The following XPO5 variants were observed in gnomAD, a reference collection of about 807,000 sequenced individuals.
XPO5 encodes the protein exportin-5.
In XPO5, 46 loss-of-function variants were observed where a neutral mutation model predicts 160.6. The ratio of observed to expected loss-of-function variants is 0.29; its 90% confidence interval spans 0.23 to 0.37. The LOEUF is 0.37. Ranked by LOEUF, XPO5 falls within the 10% of genes least tolerant of loss-of-function variation. The probability of loss-of-function intolerance (pLI) is 1.00; values close to 1 mark genes in which losing one functional copy is unlikely to be tolerated. For synonymous variants in XPO5, 537 were observed against 519.3 expected (o/e 1.03, Z -0.46); for missense variants, 1,090 against 1,463.9 (o/e 0.74, Z 4.17).
intron 26 of XPO5, 189 bp downstream of exon 26, chr6:43,527,445 T>C (rs1793668019): frequency 1.9e-6 from 1 of 538,756 alleles, no homozygotes; most frequent in Non-Finnish European, 3.3e-6. Context: ...AGCTAATTTT[T>C]GTATTATTAG....
Position 43,531,718 on chromosome 6 carries a change from T to A in XPO5, c.2444-143A>T, listed in dbSNP as rs1793991737. 1.4e-5 allele frequency: 10 copies of A among 702,498 alleles called. No homozygotes were observed. The South Asian group carries it at 1.7e-4, about 12-fold the overall frequency. 43.5% of individuals were successfully genotyped at this position (702,498 alleles called of 1,614,324 possible). A position where few individuals can be genotyped will look rare whatever the true frequency, so the allele number is the denominator to read the frequency against. On this transcript the variant is annotated intron_variant, in intron 21 of 31. Coordinates refer to ENST00000265351, the MANE Select transcript of XPO5 (RefSeq NM_020750.3). ...TACTGCAAAGCAGTTGGCTACGTGA[T>A]TTGCTGCACTCTTTTGGTAGGAGAA...
rs984511962 is a variant in XPO5 at position 43,539,971 on chromosome 6, G to A, written c.2343-5964C>T. ...TATTTTATTTTTAAAAATAGAAGAC[G>A]GGGCTGGGCACAGTGGCTCACGCCT... On this transcript the variant is annotated intron_variant, in intron 20 of 31. Transcript: ENST00000265351. 1.2e-3 allele frequency among the ~76,000 whole-genome samples: 188 copies of A among 152,324 alleles called. 1 individual carries two copies. The highest frequency in any genetic ancestry group is 4.3e-3 in the African/African-American group (178 of 41,584).
chr6:43,555,800 A>T (rs370301235), intron 13 of XPO5, 36 bp downstream of exon 13: 69 of 1,612,942 alleles, frequency 4.3e-5, no homozygotes, highest in South Asian at 1.1e-4. Flanking sequence ...TACTGTCCTA[A>T]CATTTCACTA....
At position 43,541,913 on chromosome 6, in the gene XPO5, G is replaced by C. The variant is rs556819624; in HGVS notation, c.2342+4658C>G. Among the ~76,000 whole-genome samples, 11 of 152,180 alleles carry C rather than the reference G, an allele frequency of 7.2e-5. No homozygotes were observed. The South Asian group carries it at 2.3e-3, about 32-fold the overall frequency. ...TTGCATCAACCTTTTGAGTAGCTGG[G>C]GTTACAAGCATGCACACCACCACGC... On this transcript the variant is annotated intron_variant, in intron 20 of 31. Transcript: ENST00000265351.
rs1027767029 is a variant in XPO5, at chr6:43,533,998, A to G, written c.2352T>C (p.Asn784=). The G allele has an allele frequency of 1.3e-6, 2 of 1,599,790 alleles. No homozygotes were observed. The highest frequency in any genetic ancestry group is 2.3e-5 in the East Asian group (1 of 44,138). ...CTAGCATTTCTGGTGCATATAATGT[A>G]TTGTGGGTTCTGAAAGAAACAAGAA... ...DNLLALIRTH[N]TLYAPEMLAK... The change falls in exon 21 of 32, where the codon AAT becomes AAC. Residue 784 remains asparagine (N), a synonymous_variant. Coordinates refer to ENST00000265351, the MANE Select transcript of XPO5 (RefSeq NM_020750.3).
chr6:43,552,696 T>A (rs886539038), intron 14 of XPO5, among the ~76,000 whole-genome samples: 2 of 152,186 alleles, frequency 1.3e-5, no homozygotes, highest in South Asian at 2.1e-4. Context: ...TTGGATTATA[T>A]CTTTTGTCTA....
chr6:43,569,152 T>C (rs180891598), intron 5 of XPO5, among the ~76,000 whole-genome samples: 219 of 151,724 alleles, frequency 1.4e-3, no homozygotes, highest in South Asian at 2.1e-3. Context: ...AATTAGCCGG[T>C]GTGCTGGCGC....
intron 20 of XPO5, among the ~76,000 whole-genome samples, chr6:43,543,695 C>T (rs770826354): frequency 2.0e-5 from 3 of 151,212 alleles, no homozygotes; most frequent in Non-Finnish European, 4.4e-5. Context: ...TTTTTTGAGA[C>T]GGAGTCTTCC....
intron 20 of XPO5, among the ~76,000 whole-genome samples, chr6:43,534,641 G>A (rs1202910299): frequency 1.3e-5 from 2 of 152,118 alleles, no homozygotes; most frequent in Non-Finnish European, 2.9e-5. Flanking sequence ...CGTTTAAGAT[G>A]CAAACTGAAA....
chr6:43,574,366 A>C (rs1004568831), intron 1 of XPO5, among the ~76,000 whole-genome samples: 4 of 151,680 alleles, frequency 2.6e-5, no homozygotes, highest in Admixed American at 6.6e-5. Context: ...TATTATGTGG[A>C]TCTCCAAGCA....
chr6:43,546,125 C>T (rs951745612), intron 20 of XPO5, among the ~76,000 whole-genome samples: 3 of 152,054 alleles, frequency 2.0e-5, no homozygotes, highest in South Asian at 2.1e-4. Context: ...GTTCAGCCAG[C>T]GGTTGTTTGG....
intron 25 of XPO5, 77 bp downstream of exon 25, chr6:43,528,082 C>T: frequency 7.0e-7 from 1 of 1,423,326 alleles, no homozygotes; most frequent in East Asian, 2.5e-5. Context: ...ACAGCAGAAT[C>T]CCTGCCCGCT....
At chr6:43,565,570 A>G (rs1762656341) in intron 8 of XPO5, 90 bp downstream of exon 8, 2 of 415,782 alleles carry the variant, frequency 4.8e-6, no homozygotes, top group African/African-American at 8.4e-5. Context: ...TCTCAAAATA[A>G]AAAAAAAAAA....
chr6:43,566,698 T>C, intron 7 of XPO5: 1 of 338,858 alleles, frequency 3.0e-6, no homozygotes, highest in South Asian at 2.2e-5. Flanking sequence ...TAGTCCTAGC[T>C]ACTCGGGAAG....
intron 8 of XPO5, among the ~76,000 whole-genome samples, chr6:43,564,918 TTC>T (rs1280916222): frequency 2.6e-5 from 4 of 151,036 alleles, no homozygotes; most frequent in Admixed American, 6.6e-5. Flanking sequence ...CTGCCTCATT[TTC>T]TCTCTTTTTT....
chr6:43,530,632 T>C (rs776404486), intron 23 of XPO5, 56 bp downstream of exon 23: 2 of 1,595,596 alleles, frequency 1.3e-6, no homozygotes, highest in South Asian at 2.3e-5. Context: ...ACCTGTTTTG[T>C]TTCTCTCTCT....
At chr6:43,564,671 T>C (rs1236857479) in intron 8 of XPO5, among the ~76,000 whole-genome samples, 1 of 152,162 alleles carries the variant, frequency 6.6e-6, no homozygotes, top group African/African-American at 2.4e-5. Flanking sequence ...GGCATGATCA[T>C]GGTTCACGAT....
At position 43,527,682 on chromosome 6, in the gene XPO5, C is replaced by G. The variant is rs1362180578; in HGVS notation, c.2872G>C (p.Glu958Gln). Residue 958 changes from glutamate (E) to glutamine (Q), a missense_variant, in exon 26 of 32, where the codon GAG becomes CAG. This residue lies in a region of XPO5 where 810 missense variants were observed against 1,139.0 expected (regional missense o/e 0.71). Coordinates refer to ENST00000265351, the MANE Select transcript of XPO5 (RefSeq NM_020750.3). ...DENPESQEML[E>Q]EQLVRMLTRE... ...GTTAACATCCTCACCAGTTGCTCCT[C>G]CAGCATCTCTTGAGACTCTGGGTTT... The G allele has an allele frequency of 1.2e-6, 2 of 1,613,994 alleles. No individual in the cohort carries two copies. Among genetic ancestry groups the G allele is most frequent in the South Asian group, 2.2e-5 (2 of 91,084 alleles).
At chr6:43,556,450 A>C (rs900863047) in intron 12 of XPO5, among the ~76,000 whole-genome samples, 1 of 151,388 alleles carries the variant, frequency 6.6e-6, no homozygotes, top group African/African-American at 2.4e-5. Context: ...AGCTGAGCCC[A>C]GGGAGGTGAA....
Sources: gnomAD v4.1 joint callset for allele counts (sites outside exome capture counted in the v4.1 genomes callset) on GRCh38, gnomAD v4.1.1 for gene constraint, gnomAD v4.1.1 regional missense constraint, MANE v1.5 for transcripts, NCBI Gene and HGNC (gene_info 2026-07-23, HGNC 2026-07-21) for gene names.